Variants in TERT observed in about 807,000 individuals in gnomAD.
The protein encoded by TERT is telomerase reverse transcriptase.
A neutral mutation model predicts 104.0 loss-of-function variants in TERT; 42 were observed. That is an observed-to-expected ratio of 0.40 (90% confidence interval 0.32 to 0.52). The LOEUF (loss-of-function observed/expected upper bound fraction) is 0.52, where lower values mean the gene tolerates loss of function less well. TERT is among the 20% of genes least tolerant of loss of function. The pLI is 0.43. For synonymous variants in TERT, 781 were observed against 725.6 expected, an observed-to-expected ratio of 1.08 and a Z score of -1.23; for missense variants, 1,101 against 1,610.3, an observed-to-expected ratio of 0.68 and a Z score of 5.41.
chr5:1,279,210 C>A, intron 5 of TERT, 81 bp downstream of exon 5: 1 of 1,482,810 alleles, frequency 6.7e-7, no homozygotes, highest in Non-Finnish European at 9.1e-7. Context: ...AGGAGTACCT[C>A]CTCCACCCAA....
At chr5:1,280,132 A>C in intron 4 of TERT, 26 bp downstream of exon 4, 1 of 1,613,558 alleles carries the variant, frequency 6.2e-7, no homozygotes. Flanking sequence ...CTGTTTAAAA[A>C]GGAAGTTAAA....
At chr5:1,289,705 C>A (rs202223722) in intron 2 of TERT, among the ~76,000 whole-genome samples, 4 of 110,134 alleles carry the variant, frequency 3.6e-5, no homozygotes, top group Admixed American at 3.5e-4. Context: ...GACAGGGACA[C>A]CCGGGGACGG....
chr5:1,280,054 G>C (rs879113423), intron 4 of TERT, 104 bp downstream of exon 4: 5 of 1,436,890 alleles, frequency 3.5e-6, no homozygotes, highest in African/African-American at 2.8e-5. Flanking sequence ...GGCCCTGGCT[G>C]TGTCCCGTGG....
rs1579597068 is a variant in TERT, at chr5:1,293,835, T to C, written c.1051A>G (p.Arg351Gly). The change falls in exon 2 of 16, where the codon AGG becomes GGG. Residue 351 changes from arginine (R) to glycine (G), a missense_variant. By Grantham distance (125) the Arg-to-Gly change is moderately radical. This residue lies in a region of TERT where 504 missense variants were observed against 544.6 expected (regional missense o/e 0.93). Transcript: ENST00000310581. ...CTCCGAGCGCCAGTCAGGCTGGGCC[T>C]CAGAGAGCTGAGTAGGAAGGAGGGC... ...LRPSFLLSSL[R>G]PSLTGARRLV... is the part of the protein sequence containing the mutation. The C allele has an allele frequency of 5.2e-6, 8 of 1,549,038 alleles. No individual in the cohort carries two copies. Among genetic ancestry groups the C allele is most frequent in the Non-Finnish European group, 6.1e-6 (7 of 1,147,050 alleles).
At chr5:1,280,879 C>A (rs1186182591) in intron 3 of TERT, among the ~76,000 whole-genome samples, 1 of 152,254 alleles carries the variant, frequency 6.6e-6, no homozygotes, top group Admixed American at 6.5e-5. Flanking sequence ...CCAAAACCAC[C>A]CATGGGGGCA....
intron 2 of TERT, among the ~76,000 whole-genome samples, chr5:1,290,218 C>T (rs71575529): frequency 4.2e-5 from 2 of 47,814 alleles, no homozygotes; most frequent in Non-Finnish European, 7.1e-5. Context: ...ACCCGGGGAC[C>T]GCGCCTCACT....
chr5:1,294,958 C>T lies in TERT; in HGVS notation c.32G>A (p.Arg11His), dbSNP rs2126692884. The T allele has an allele frequency of 1.5e-6, 2 of 1,371,812 alleles. No individual in the cohort carries two copies. The highest frequency in any genetic ancestry group is 1.9e-6 in the Non-Finnish European group (2 of 1,068,958). 85.0% of individuals were successfully genotyped at this position (1,371,812 alleles called of 1,614,324 possible). A position where few individuals can be genotyped will look rare whatever the true frequency, so the allele number is the denominator to read the frequency against. The change falls in exon 1 of 16, where the codon CGC (arginine) becomes CAC (histidine). Residue 11 changes from arginine to histidine, a missense_variant. Arg to His is a conservative substitution (Grantham distance 29). Coordinates refer to ENST00000310581, the MANE Select transcript of TERT (RefSeq NM_198253.3). MPRAPRCRAV[R>H]SLLRSHYREV... The stretch of plus-strand genomic sequence containing the variant: ...GCGGTAGTGGCTGCGCAGCAGGGAG[C>T]GCACGGCTCGGCAGCGGGGAGCGCG...
In TERT at chr5:1,265,480, C is replaced by T. The variant is rs904300313; in HGVS notation, c.2655-888G>A. Among the ~76,000 whole-genome samples the T allele has an allele frequency of 2.3e-4, 35 of 152,192 alleles. No homozygotes were observed. The highest frequency in any genetic ancestry group is 8.4e-4 in the African/African-American group (35 of 41,442). On this transcript the variant is annotated intron_variant, in intron 10 of 15. Transcript: ENST00000310581. This position sits in a 1 kb window ranked among gnomAD's most constrained non-coding sequence, Gnocchi z 6.9. ...GAACTTGCCACACAGAAGCAGCGTT[C>T]CCCGTCTGCTCTGTCCCCTCAGCAG... is the stretch of plus-strand genomic sequence containing the variant.
In TERT at chr5:1,255,631, G is replaced by A. The variant is rs150491668; in HGVS notation, c.3033-220C>T. 9.8e-5 allele frequency among the ~76,000 whole-genome samples: 15 copies of A among 152,340 alleles called. No individual in the cohort carries two copies. In the East Asian group the frequency reaches 1.5e-3, roughly 16 times the overall value. ...GTCTGTGTGTGCACAGGTACACTGCGTTTCTGTGCACCATCTGTATGAACA... is the reference window on the plus strand; with the variant it reads ...GTCTGTGTGTGCACAGGTACACTGCATTTCTGTGCACCATCTGTATGAACA... On this transcript the variant is annotated intron_variant, in intron 13 of 15. Transcript: ENST00000310581. The surrounding 1 kb of genome is among the most constrained non-coding windows in gnomAD (Gnocchi z 6.9).
intron 12 of TERT, 111 bp downstream of exon 12, chr5:1,260,363 C>G: frequency 6.5e-7 from 1 of 1,537,848 alleles, no homozygotes; most frequent in Middle Eastern, 1.7e-4. Context: ...TGCACTCTTA[C>G]GTGCAGCCAG....
intron 9 of TERT, among the ~76,000 whole-genome samples, chr5:1,267,159 C>T (rs996419749): frequency 6.6e-6 from 1 of 152,218 alleles, no homozygotes; most frequent in Non-Finnish European, 1.5e-5. Context: ...GAACTTGAAC[C>T]TTAATGAAGA....
Position 1,253,816 on chromosome 5 carries a change from C to T in TERT, c.3311G>A (p.Ser1104Asn), listed in dbSNP as rs1228099997. The T allele has an allele frequency of 6.2e-6, 10 of 1,610,520 alleles. No homozygotes were observed. Among genetic ancestry groups the T allele is most frequent in the South Asian group, 1.1e-5 (1 of 90,142 alleles). ...CAGCGTCGTCCCCGGGAGCTTCCGA[C>T]TCAGCTGCGTCTGGGCTGCGGGGCC... ...GSLRTAQTQLSRKLPGTTLTA... is the reference protein window; with the variant it reads ...GSLRTAQTQLNRKLPGTTLTA... The change falls in exon 16 of 16, where the codon AGT becomes AAT. Residue 1104 changes from serine to asparagine, a missense_variant. Ser to Asn is a conservative substitution (Grantham distance 46, BLOSUM62 1). Coordinates refer to ENST00000310581, the MANE Select transcript of TERT (RefSeq NM_198253.3).
chr5:1,260,850 C>T (rs757758706), intron 11 of TERT, among the ~76,000 whole-genome samples: 1 of 152,202 alleles, frequency 6.6e-6, no homozygotes, highest in South Asian at 2.1e-4. Context: ...CTCGCACGGC[C>T]GTGTTTGTGC....
At chr5:1,266,583 G>C (rs370653294) in intron 9 of TERT, 48 bp from the exon 10 acceptor site, 5 of 1,432,490 alleles carry the variant, frequency 3.5e-6, no homozygotes, top group Non-Finnish European at 4.8e-6. Flanking sequence ...CACTTTTTAC[G>C]TAGTATCTGT....
Position 1,265,220 on chromosome 5 carries a change from G to A in TERT, c.2655-628C>T, listed in dbSNP as rs1422258415. On this transcript the variant is annotated intron_variant, in intron 10 of 15. Coordinates refer to ENST00000310581, the MANE Select transcript of TERT (RefSeq NM_198253.3). The surrounding 1 kb of genome is among the most constrained non-coding windows in gnomAD (Gnocchi z 6.9). ...CCTGTGCCCGGTAGCCTCTGCTCTG[G>A]CCTGGGCATCCCCTTCCCTTCCTGC... Among the ~76,000 whole-genome samples, 1 of 152,112 alleles carries A rather than the reference G, an allele frequency of 6.6e-6. No homozygotes were observed. The highest frequency in any genetic ancestry group is 1.5e-5 in the Non-Finnish European group (1 of 68,006).
chr5:1,275,400 AAAAG>A (rs1450877942), intron 6 of TERT, among the ~76,000 whole-genome samples: 1 of 148,720 alleles, frequency 6.7e-6, no homozygotes. Context: ...AAGAAAGAAA[AAAAG>A]AAAGAAAGCA....
chr5:1,259,736 G>A (rs1242545082), intron 12 of TERT, among the ~76,000 whole-genome samples: 3 of 146,202 alleles, frequency 2.1e-5, no homozygotes, highest in African/African-American at 7.7e-5. Flanking sequence ...ACAGAAGAGG[G>A]AGTGGACGCG....
intron 15 of TERT, 68 bp downstream of exon 15, chr5:1,254,300 C>G: frequency 6.2e-7 from 1 of 1,608,662 alleles, no homozygotes; most frequent in South Asian, 1.1e-5. Context: ...GGCTGCTCGC[C>G]CCACACAGGG....
chr5:1,282,190 A>G (rs1390427853), intron 3 of TERT, among the ~76,000 whole-genome samples: 1 of 152,202 alleles, frequency 6.6e-6, no homozygotes, highest in Admixed American at 6.5e-5. Context: ...CTTCTGCTTT[A>G]CAAACCCTAG....
Sources: allele counts gnomAD v4.1 joint callset (sites outside exome capture counted in the v4.1 genomes callset), GRCh38; gene constraint gnomAD v4.1.1; regional missense constraint gnomAD v4.1.1; non-coding constraint Gnocchi (gnomAD v3.1); transcripts MANE v1.5; gene names NCBI Gene and HGNC (gene_info 2026-07-23, HGNC 2026-07-21).